HNRNPF: variants seen among roughly 807,000 people sequenced by gnomAD.
The protein encoded by HNRNPF is heterogeneous nuclear ribonucleoprotein F, also known as HnRNP F protein.
A neutral mutation model predicts 26.0 loss-of-function variants in HNRNPF; 2 were observed. The observed-to-expected ratio is 0.08, with a 90% CI of 0.03 to 0.24. HNRNPF has a LOEUF of 0.24. Ranked by LOEUF, HNRNPF falls within the 10% of genes least tolerant of loss-of-function variation. The pLI, the probability that HNRNPF is intolerant of heterozygous loss-of-function variation, is 1.00. For missense variants in HNRNPF, 299 were observed against 539.2 expected, an observed-to-expected ratio of 0.55 and a Z score of 4.41; for synonymous variants, 234 against 211.5, an observed-to-expected ratio of 1.11 and a Z score of -0.92.
chr10:43,386,598 G>C lies in HNRNPF; in HGVS notation c.*39C>G. 6.7e-7 allele frequency: 1 copy of C among 1,498,514 alleles called. No individual in the cohort carries two copies. The highest frequency in any genetic ancestry group is 8.9e-7 in the Non-Finnish European group (1 of 1,127,232). 92.8% of individuals were successfully genotyped at this position (1,498,514 alleles called of 1,614,324 possible). A position where few individuals can be genotyped will look rare whatever the true frequency, so the allele number is the denominator to read the frequency against. On this transcript the variant is annotated 3_prime_UTR_variant, in exon 4 of 4. Coordinates refer to ENST00000682386, the MANE Select transcript of HNRNPF (RefSeq NM_001098204.2). ...GCTCTTAATTGCTTGTTGGCTGCCT[G>C]TGAAAATGATTGAAGTAACTCAAAT...
chr10:43,389,251 C>A (rs1364869602), intron 3 of HNRNPF, among the ~76,000 whole-genome samples: 1 of 152,104 alleles, frequency 6.6e-6, no homozygotes. Context: ...GAATTACTGG[C>A]GTGAGCCACC....
At chr10:43,407,741 G>A (rs1838974752) in intron 1 of HNRNPF, 1 of 152,252 alleles carries the variant, frequency 6.6e-6, no homozygotes, top group South Asian at 2.1e-4. Flanking sequence ...GACCAATACA[G>A]GGACCGCGCT....
intron 1 of HNRNPF, chr10:43,407,859 T>G (rs1424128300): frequency 6.6e-6 from 1 of 152,120 alleles, no homozygotes; most frequent in African/African-American, 2.4e-5. Context: ...CACAAGGAAG[T>G]CTTGTGCAAC....
chr10:43,398,719 G>A (rs927711123), intron 1 of HNRNPF, among the ~76,000 whole-genome samples: 4 of 151,856 alleles, frequency 2.6e-5, no homozygotes, highest in Admixed American at 6.6e-5. Context: ...GCAGTGGCAC[G>A]ATCATGGCAA....
intron 1 of HNRNPF, among the ~76,000 whole-genome samples, chr10:43,402,577 T>A (rs993205616): frequency 2.0e-5 from 3 of 152,208 alleles, no homozygotes; most frequent in African/African-American, 7.2e-5. Context: ...CCTAGCATAC[T>A]AATACAACGT....
intron 3 of HNRNPF, among the ~76,000 whole-genome samples, chr10:43,393,628 G>A (rs1344467707): frequency 6.6e-6 from 1 of 152,034 alleles, no homozygotes; most frequent in Non-Finnish European, 1.5e-5. Context: ...AAGCACAGTG[G>A]CTAGGCCTTA....
intron 1 of HNRNPF, among the ~76,000 whole-genome samples, chr10:43,400,602 TATTC>T (rs1294006329): frequency 6.6e-6 from 1 of 152,224 alleles, no homozygotes; most frequent in African/African-American, 2.4e-5. Flanking sequence ...ATAAAATTCC[TATTC>T]AGTCACTCTT....
intron 1 of HNRNPF, among the ~76,000 whole-genome samples, chr10:43,399,771 A>G (rs976897454): frequency 6.6e-6 from 1 of 152,242 alleles, no homozygotes; most frequent in Non-Finnish European, 1.5e-5. Flanking sequence ...TCACCAAGAA[A>G]TACTACGCAC....
chr10:43,390,415 G>A (rs538787711), intron 3 of HNRNPF, among the ~76,000 whole-genome samples: 14 of 152,188 alleles, frequency 9.2e-5, no homozygotes, highest in African/African-American at 3.4e-4. Context: ...TCCGGGTAGG[G>A]GAGATGAAGC....
rs77140243 is a variant in HNRNPF at position 43,398,684 on chromosome 10, C to G, written c.-246-2094G>C. Among the ~76,000 whole-genome samples the G allele has an allele frequency of 4.8e-3, 724 of 152,074 alleles. 7 individuals carry two copies. The highest frequency in any genetic ancestry group is 0.017 in the African/African-American group (699 of 41,458). ...AATTATTATTATTTTGAGACAGGGT[C>G]TGGCTCAGCTGCCCAGGCTGGAATG... On this transcript the variant is annotated intron_variant, in intron 1 of 3. Coordinates refer to ENST00000682386, the MANE Select transcript of HNRNPF (RefSeq NM_001098204.2).
intron 1 of HNRNPF, chr10:43,397,146 CTGGAG>C (rs1339418703): frequency 1.2e-4 from 19 of 152,184 alleles, no homozygotes; most frequent in Admixed American, 1.2e-3. Flanking sequence ...GCGGCCGGGA[CTGGAG>C]TGGCGGGGCC....
In HNRNPF at chr10:43,386,591, G is replaced by A. The variant is rs1356219950; in HGVS notation, c.*46C>T. The A allele has an allele frequency of 6.7e-7, 1 of 1,486,902 alleles. No homozygotes were observed. Among genetic ancestry groups the A allele is most frequent in the Non-Finnish European group, 8.9e-7 (1 of 1,119,166 alleles). The allele number at this position is 1,486,902 out of a possible 1,614,324, so 92.1% of individuals were successfully genotyped here. On this transcript the variant is annotated 3_prime_UTR_variant, in exon 4 of 4. Coordinates refer to ENST00000682386, the MANE Select transcript of HNRNPF (RefSeq NM_001098204.2). ...TATAACTGCTCTTAATTGCTTGTTG[G>A]CTGCCTGTGAAAATGATTGAAGTAA...
At position 43,385,798 on chromosome 10, in the gene HNRNPF, C is replaced by CT. The variant is rs1346698987; in HGVS notation, c.*838dup. ...GTTGCAGGTGGCTGGGGCCGTGTGT[C>CT]TATTTGATGCTTCCCAGAATGTGTG... On this transcript the variant is annotated 3_prime_UTR_variant, in exon 4 of 4. Transcript: ENST00000682386. The CT allele has an allele frequency of 6.6e-6, 1 of 152,250 alleles. No homozygotes were observed. Among genetic ancestry groups the CT allele is most frequent in the African/African-American group, 2.4e-5 (1 of 41,440 alleles). The allele number at this position is 152,250 out of a possible 1,614,324, so 9.4% of individuals were successfully genotyped here.
intron 3 of HNRNPF, among the ~76,000 whole-genome samples, chr10:43,391,501 G>A (rs987900320): frequency 6.6e-6 from 1 of 151,904 alleles, no homozygotes; most frequent in Non-Finnish European, 1.5e-5. Flanking sequence ...AAATCAGAGT[G>A]AACAGCCATA....
At chr10:43,406,656 C>T (rs1157527524) in intron 1 of HNRNPF, among the ~76,000 whole-genome samples, 1 of 152,196 alleles carries the variant, frequency 6.6e-6, no homozygotes, top group Non-Finnish European at 1.5e-5. Context: ...CACACCATTG[C>T]ACTCCAGCCT....
At chr10:43,397,638 A>G (rs894810397) in intron 1 of HNRNPF, among the ~76,000 whole-genome samples, 2 of 152,132 alleles carry the variant, frequency 1.3e-5, no homozygotes, top group Non-Finnish European at 2.9e-5. Flanking sequence ...AAAGATTTTG[A>G]AAAAAAATCT....
chr10:43,407,968 C>T (rs951860555), intron 1 of HNRNPF: 9 of 152,240 alleles, frequency 5.9e-5, no homozygotes, highest in Non-Finnish European at 1.0e-4. Flanking sequence ...TTTCCGTCGC[C>T]CGGCTGGAAT....
At chr10:43,403,328 A>C (rs12250140) in intron 1 of HNRNPF, among the ~76,000 whole-genome samples, 11,728 of 152,192 alleles carry the variant, frequency 0.077, 624 homozygotes, top group East Asian at 0.2. Flanking sequence ...TTTTCAAGAG[A>C]TCTTTTTCCT....
chr10:43,406,752 C>T (rs1172546936), intron 1 of HNRNPF, among the ~76,000 whole-genome samples: 1 of 152,114 alleles, frequency 6.6e-6, no homozygotes. Flanking sequence ...AAGCGATCCT[C>T]CCACACCTCG....
Sources: gnomAD v4.1 joint callset for allele counts (sites outside exome capture counted in the v4.1 genomes callset) on GRCh38, gnomAD v4.1.1 for gene constraint, MANE v1.5 for transcripts, NCBI Gene and HGNC (gene_info 2026-07-23, HGNC 2026-07-21) for gene names.